TRPM3: variants seen among roughly 807,000 people sequenced by gnomAD.
TRPM3 encodes the protein long transient receptor potential channel 3.
TRPM3 carries 77 observed loss-of-function variants against 181.2 expected under a neutral mutation model. The observed-to-expected ratio is 0.42, with a 90% CI of 0.35 to 0.51. The LOEUF is 0.51. Ranked by LOEUF, TRPM3 falls within the 20% of genes least tolerant of loss-of-function variation. The pLI, the probability that TRPM3 is intolerant of heterozygous loss-of-function variation, is 0.01. For synonymous variants in TRPM3, 745 were observed against 796.4 expected (o/e 0.94, Z 1.09); for missense variants, 1,759 against 2,196.7 (o/e 0.80, Z 3.98).
At chr9:71,191,757 C>A (rs2078034584) in intron 1 of TRPM3, among the ~76,000 whole-genome samples, 1 of 149,914 alleles carries the variant, frequency 6.7e-6, no homozygotes, top group Admixed American at 6.7e-5. Flanking sequence ...TAAGTTTAAT[C>A]TGTACAGAGT....
In TRPM3 at chr9:71,154,583, C is replaced by A. The variant is rs116827889; in HGVS notation, c.184-290072G>T. Among the ~76,000 whole-genome samples, 345 of 152,248 alleles carry A rather than the reference C, an allele frequency of 2.3e-3. 2 individuals are homozygous for A. The highest frequency in any genetic ancestry group is 8.0e-3 in the African/African-American group (331 of 41,552). On this transcript the variant is annotated intron_variant, in intron 1 of 24. Transcript: ENST00000357533. ...CTTCAAAATAATCTATCTGAAGAAGCCTTCTCCATCCCACAATAAACACTA... is the reference window on the plus strand; with the variant it reads ...CTTCAAAATAATCTATCTGAAGAAGACTTCTCCATCCCACAATAAACACTA...
At chr9:70,746,272 AG>A (rs2075138420) in intron 8 of TRPM3, among the ~76,000 whole-genome samples, 1 of 148,204 alleles carries the variant, frequency 6.7e-6, no homozygotes, top group Non-Finnish European at 1.5e-5. Flanking sequence ...AAAAACAGAG[AG>A]AGAGAGAGAG....
intron 22 of TRPM3, among the ~76,000 whole-genome samples, chr9:70,557,484 C>T (rs1463134164): frequency 1.3e-5 from 2 of 152,144 alleles, no homozygotes; most frequent in Non-Finnish European, 1.5e-5. Flanking sequence ...TGGGTAGTTA[C>T]CAACCTAAAA....
chr9:70,625,181 C>T lies in TRPM3; in HGVS notation c.1809+10G>A. On this transcript the variant is annotated intron_variant, in intron 14 of 25. Transcript: ENST00000677713. The surrounding 1 kb of genome is among the most constrained non-coding windows in gnomAD (Gnocchi z 4.8). Reference sequence around the variant, plus strand: ...CCCAGGAAGGGCCCCGAATTTGCAGCCAGCCTCACCCTCTTGGGGCCGAAG... The same window carrying T: ...CCCAGGAAGGGCCCCGAATTTGCAGTCAGCCTCACCCTCTTGGGGCCGAAG... 1 of 1,613,800 alleles carries T rather than the reference C, an allele frequency of 6.2e-7. No homozygotes were observed. Among genetic ancestry groups the T allele is most frequent in the South Asian group, 1.1e-5 (1 of 91,016 alleles).
At chr9:71,395,120 G>A (rs1458532137) in intron 1 of TRPM3, among the ~76,000 whole-genome samples, 2 of 152,152 alleles carry the variant, frequency 1.3e-5, no homozygotes, top group African/African-American at 2.4e-5. Flanking sequence ...CACCTCTGTT[G>A]ATCATCATGA....
At position 70,568,219 on chromosome 9, in the gene TRPM3, A is replaced by G. The variant is rs573061910; in HGVS notation, c.3224-14909T>C. Among the ~76,000 whole-genome samples the G allele has an allele frequency of 4.6e-5, 7 of 151,660 alleles. No individual in the cohort carries two copies. In the East Asian group the frequency reaches 1.4e-3, roughly 29 times the overall value. On this transcript the variant is annotated intron_variant, in intron 22 of 25. Transcript: ENST00000677713. ...CACAGACACAAGGCAAATGGCTGAG[A>G]TTTTTTTATATGATCTTCAAATAGG... is the stretch of plus-strand genomic sequence containing the variant.
intron 1 of TRPM3, among the ~76,000 whole-genome samples, chr9:71,218,280 A>C (rs2131836704): frequency 6.6e-6 from 1 of 152,338 alleles, no homozygotes; most frequent in African/African-American, 2.4e-5. Context: ...CAACAATGAC[A>C]ACGCACTCTC....
intron 1 of TRPM3, among the ~76,000 whole-genome samples, chr9:71,070,553 A>G (rs1044505258): frequency 6.6e-5 from 10 of 152,264 alleles, no homozygotes; most frequent in African/African-American, 2.2e-4. Flanking sequence ...AAATCATAAC[A>G]AGATATTTTA....
intron 1 of TRPM3, among the ~76,000 whole-genome samples, chr9:71,366,360 G>T (rs977079117): frequency 1.3e-5 from 2 of 152,114 alleles, no homozygotes; most frequent in Non-Finnish European, 2.9e-5. Context: ...GACAGGGAGG[G>T]GCATGGAGCT....
chr9:70,871,399 G>C (rs991963126), intron 1 of TRPM3, among the ~76,000 whole-genome samples: 1 of 151,582 alleles, frequency 6.6e-6, no homozygotes, highest in Non-Finnish European at 1.5e-5. Flanking sequence ...TTTTTTACCC[G>C]ATTCTCTCCA....
At chr9:71,147,792 G>A (rs567397375) in intron 1 of TRPM3, among the ~76,000 whole-genome samples, 10 of 152,288 alleles carry the variant, frequency 6.6e-5, no homozygotes, top group African/African-American at 2.4e-4. Flanking sequence ...ACAAAGGTAT[G>A]TGCACAACTC....
intron 1 of TRPM3, among the ~76,000 whole-genome samples, chr9:71,178,516 A>G (rs1241132636): frequency 6.6e-6 from 1 of 152,124 alleles, no homozygotes; most frequent in African/African-American, 2.4e-5. Context: ...GTCCACATCA[A>G]AGATGTTTAA....
intron 14 of TRPM3, among the ~76,000 whole-genome samples, chr9:70,621,957 A>G (rs941776051): frequency 1.3e-5 from 2 of 152,180 alleles, no homozygotes; most frequent in African/African-American, 4.8e-5. Flanking sequence ...AACATGTAGT[A>G]TTTGAACAAG....
rs1048363809 is a variant in TRPM3 at position 70,594,054 on chromosome 9, C to T, written c.3049-2849G>A. Among the ~76,000 whole-genome samples the T allele has an allele frequency of 2.7e-5, 4 of 146,322 alleles. No individual in the cohort carries two copies. In the Admixed American group the frequency reaches 2.8e-4, roughly 10 times the overall value. ...TTGACTTTGCTAGTAAAAATAGCTA[C>T]ATGGAAAAAAACTCACACAAAACGA... On this transcript the variant is annotated intron_variant, in intron 21 of 25. Transcript: ENST00000677713.
intron 6 of TRPM3, among the ~76,000 whole-genome samples, chr9:70,798,158 G>A (rs901751652): frequency 2.0e-5 from 3 of 152,084 alleles, no homozygotes; most frequent in Non-Finnish European, 2.9e-5. Flanking sequence ...AGGCTCAACC[G>A]ATCCTCCAAC....
chr9:71,337,241 A>G (rs1298506568), intron 1 of TRPM3, among the ~76,000 whole-genome samples: 1 of 152,118 alleles, frequency 6.6e-6, no homozygotes, highest in Non-Finnish European at 1.5e-5. Context: ...ACAAGAAAAA[A>G]ACAAACAACC....
At chr9:70,809,831 G>A (rs1311615929) in intron 6 of TRPM3, 1 of 429,104 alleles carries the variant, frequency 2.3e-6, no homozygotes, top group African/African-American at 2.0e-5. Context: ...TAATTCCAGA[G>A]CTGCTTGGAT....
chr9:70,640,729 G>T, intron 9 of TRPM3, 69 bp from the exon 10 acceptor site: 1 of 1,230,824 alleles, frequency 8.1e-7, no homozygotes, highest in Non-Finnish European at 1.2e-6. Context: ...CACCAAGAGC[G>T]CCTGCTCCAT....
intron 1 of TRPM3, among the ~76,000 whole-genome samples, chr9:71,024,028 T>C (rs1465069564): frequency 6.6e-6 from 1 of 152,214 alleles, no homozygotes. Flanking sequence ...TGGTGGATTG[T>C]ACAATGTCAA....
Sources: gnomAD v4.1 joint callset for allele counts (sites outside exome capture counted in the v4.1 genomes callset) on GRCh38, gnomAD v4.1.1 for gene constraint, Gnocchi (gnomAD v3.1) non-coding constraint, MANE v1.5 for transcripts, NCBI Gene and HGNC (gene_info 2026-07-23, HGNC 2026-07-21) for gene names.